The following CEP152 variants were observed in gnomAD, a reference collection of about 807,000 sequenced individuals.
CEP152 encodes centrosomal protein of 152 kDa.
CEP152 carries 132 observed loss-of-function variants against 188.9 expected under a neutral mutation model. The ratio of observed to expected loss-of-function variants is 0.70; its 90% CI spans 0.61 to 0.81. The LOEUF (loss-of-function observed/expected upper bound fraction) is 0.81. Among genes scored for constraint, CEP152 ranks in the 30% least tolerant of loss-of-function variants. CEP152 has a pLI of 0.00. For missense variants in CEP152, 1,914 were observed against 1,969.8 expected, an observed-to-expected ratio of 0.97 and a Z score of 0.54; for synonymous variants, 649 against 666.6, an observed-to-expected ratio of 0.97 and a Z score of 0.41.
chr15:48,759,933 C>T (rs1329078051), intron 19 of CEP152, among the ~76,000 whole-genome samples: 1 of 152,144 alleles, frequency 6.6e-6, no homozygotes, highest in African/African-American at 2.4e-5. Flanking sequence ...TCTAAGTTAT[C>T]CTCATAGGAA....
At chr15:48,786,619 C>T (rs1485899779) in intron 9 of CEP152, among the ~76,000 whole-genome samples, 4 of 152,144 alleles carry the variant, frequency 2.6e-5, no homozygotes, top group Admixed American at 2.6e-4. Context: ...TTTGGAATCA[C>T]CACTTTGCAA....
chr15:48,777,515 C>T (rs999835943), intron 12 of CEP152, among the ~76,000 whole-genome samples: 16 of 137,216 alleles, frequency 1.2e-4, no homozygotes, highest in African/African-American at 1.4e-4. Context: ...TATGGGTGTG[C>T]GAGACAGAGA....
intron 9 of CEP152, 26 bp from the exon 10 acceptor site, chr15:48,784,146 T>A: frequency 6.2e-7 from 1 of 1,602,586 alleles, no homozygotes; most frequent in African/African-American, 1.3e-5. Flanking sequence ...GTTCAGGAAG[T>A]CATTTTCATA....
At chr15:48,747,036 G>A (rs1352217346) in intron 22 of CEP152, among the ~76,000 whole-genome samples, 1 of 152,180 alleles carries the variant, frequency 6.6e-6, no homozygotes, top group African/African-American at 2.4e-5. Context: ...GCTGGATCAA[G>A]AACTTTTCAA....
chr15:48,738,593 C>T lies in CEP152; in HGVS notation c.4789G>A (p.Gly1597Arg). The T allele has an allele frequency of 6.2e-7, 1 of 1,614,172 alleles. No individual in the cohort carries two copies. Among genetic ancestry groups the T allele is most frequent in the Non-Finnish European group, 8.5e-7 (1 of 1,180,022 alleles). Reference sequence around the variant, plus strand: ...GATTCACTTGGTATTTCCAAAGTTCCTTGTGGCCTACCATGTACAAATGAT... The same window carrying T: ...GATTCACTTGGTATTTCCAAAGTTCTTTGTGGCCTACCATGTACAAATGAT... ...EASFVHGRPQGTLEIPSESVK... is the reference protein window; with the variant it reads ...EASFVHGRPQRTLEIPSESVK... The change falls in exon 27 of 27, where the codon GGA (glycine) becomes AGA (arginine). Residue 1597 changes from glycine (G) to arginine (R), a missense_variant. Transcript: ENST00000380950.
intron 2 of CEP152, among the ~76,000 whole-genome samples, chr15:48,803,214 C>T (rs545640210): frequency 2.6e-5 from 4 of 152,332 alleles, no homozygotes; most frequent in African/African-American, 9.6e-5. Context: ...AAGCCACAGT[C>T]CCAAAGCTAC....
Position 48,767,482 on chromosome 15 carries a change from C to G in CEP152, c.2019-19G>C. On this transcript the variant is annotated intron_variant, in intron 15 of 26. Transcript: ENST00000380950. Reference sequence around the variant, plus strand: ...TTCACACCTGGAAACAGAGCGGAATCAAAGGCAATGCCCAGTCTCACTACG... The same window carrying G: ...TTCACACCTGGAAACAGAGCGGAATGAAAGGCAATGCCCAGTCTCACTACG... The G allele has an allele frequency of 6.2e-7, 1 of 1,613,988 alleles. No individual in the cohort carries two copies.
chr15:48,781,493 T>C, intron 11 of CEP152, 134 bp from the exon 12 acceptor site: 1 of 653,404 alleles, frequency 1.5e-6, no homozygotes, highest in South Asian at 1.9e-5. Context: ...TAGTACACAT[T>C]ATACTTTATA....
chr15:48,793,194 G>T, intron 7 of CEP152, 127 bp downstream of exon 7: 2 of 1,053,840 alleles, frequency 1.9e-6, no homozygotes, highest in Non-Finnish European at 2.9e-6. Context: ...GTTTTGCTAT[G>T]CCTCACTCAC....
At chr15:48,755,817 TAAAAGGAA>T (rs1894215210) in intron 20 of CEP152, 78 bp downstream of exon 20, 17 of 1,589,956 alleles carry the variant, frequency 1.1e-5, no homozygotes, top group Admixed American at 1.7e-5. Flanking sequence ...TACTAAAATT[TAAAAGGAA>T]AAAAGGAAAA....
chr15:48,791,205 T>C (rs776047944), intron 8 of CEP152, 32 bp downstream of exon 8: 20 of 1,584,320 alleles, frequency 1.3e-5, no homozygotes, highest in Admixed American at 1.8e-5. Context: ...AAACTTTTAA[T>C]TTTTTTACCA....
At chr15:48,808,656 A>T (rs1457527401) in intron 1 of CEP152, among the ~76,000 whole-genome samples, 1 of 152,254 alleles carries the variant, frequency 6.6e-6, no homozygotes, top group South Asian at 2.1e-4. Flanking sequence ...ACAAAAAAAA[A>T]ACTTGTTATC....
In CEP152 at chr15:48,762,441, T is replaced by C. The variant is rs1894752493; in HGVS notation, c.2512A>G (p.Lys838Glu). The change falls in exon 18 of 27, where the codon AAA (lysine) becomes GAA (glutamate). Residue 838 changes from lysine (K) to glutamate (E), a missense_variant. Physicochemically the swap from Lys to Glu is moderately conservative, Grantham distance 56. Coordinates refer to ENST00000380950, the MANE Select transcript of CEP152 (RefSeq NM_001194998.2). The part of the protein sequence containing the change: ...KDIAIKGAMK[K>E]LEIELELKHC... ...TTGAGTTCCAATTCAATTTCGAGTT[T>C]CTTCATAGCCCCCTTGATGGCTATG... 2.5e-6 allele frequency: 4 copies of C among 1,614,022 alleles called. No homozygotes were observed. In the African/African-American group the frequency reaches 5.3e-5, roughly 22 times the overall value.
rs1484443522 is a variant in CEP152 at position 48,756,490 on chromosome 15, T to G, written c.2758A>C (p.Asn920His). The G allele has an allele frequency of 6.2e-7, 1 of 1,612,514 alleles. No individual in the cohort carries two copies. Among genetic ancestry groups the G allele is most frequent in the African/African-American group, 1.3e-5 (1 of 75,004 alleles). ...TCCAATTCCTTTCCAGGAAGTATAT[T>G]TTTCCTCATATTTTCAAGCTCACTC... ...WKSELENMRK[N>H]ILPGKELEEK... is the part of the protein sequence containing the mutation. Residue 920 changes from asparagine to histidine, a missense_variant, in exon 20 of 27, where the codon AAT (asparagine) becomes CAT (histidine). Coordinates refer to ENST00000380950, the MANE Select transcript of CEP152 (RefSeq NM_001194998.2).
At chr15:48,783,369 T>G (rs1567014571) in intron 10 of CEP152, 1 of 152,136 alleles carries the variant, frequency 6.6e-6, no homozygotes, top group African/African-American at 2.4e-5. Flanking sequence ...CTCAACTGAC[T>G]AGGTAAGTCA....
chr15:48,788,653 T>C, intron 9 of CEP152, 148 bp downstream of exon 9: 3 of 855,446 alleles, frequency 3.5e-6, no homozygotes, highest in Admixed American at 1.8e-5. Flanking sequence ...CCAATATCAC[T>C]GGCTTTTAAG....
chr15:48,767,271 A>G, intron 16 of CEP152, 64 bp downstream of exon 16: 2 of 1,613,970 alleles, frequency 1.2e-6, no homozygotes, highest in South Asian at 1.1e-5. Context: ...ATTTTCCTCT[A>G]AATTATGGAA....
At chr15:48,750,363 G>A (rs1893784526) in intron 21 of CEP152, among the ~76,000 whole-genome samples, 1 of 152,088 alleles carries the variant, frequency 6.6e-6, no homozygotes, top group Admixed American at 6.5e-5. Context: ...TAACATAAGT[G>A]ATATAATAAA....
chr15:48,797,586 G>T lies in CEP152; in HGVS notation c.262-7C>A, dbSNP rs767635813. The T allele has an allele frequency of 6.2e-6, 10 of 1,613,800 alleles. No homozygotes were observed. The African/African-American group carries it at 1.1e-4, about 17-fold the overall frequency. ...TCTGAATTTCATTATAGCCCTATTAGATAACAAGAGTAAAACAAAAGCACG... is the reference window on the plus strand; with the variant it reads ...TCTGAATTTCATTATAGCCCTATTATATAACAAGAGTAAAACAAAAGCACG... On this transcript the variant is annotated splice_polypyrimidine_tract_variant and splice_region_variant and intron_variant, in intron 4 of 26. Transcript: ENST00000380950.
Sources: gnomAD v4.1 joint callset for allele counts (sites outside exome capture counted in the v4.1 genomes callset) on GRCh38, gnomAD v4.1.1 for gene constraint, MANE v1.5 for transcripts, NCBI Gene and HGNC (gene_info 2026-07-23, HGNC 2026-07-21) for gene names.